The following ZEB1 variants were observed in gnomAD, a reference collection of about 807,000 sequenced individuals.
ZEB1 encodes the protein zinc finger E-box-binding homeobox 1.
ZEB1 carries 21 observed loss-of-function variants against 84.9 expected under a neutral mutation model. That is an observed-to-expected ratio of 0.25 (90% CI 0.18 to 0.36). ZEB1 has a LOEUF of 0.36. Ranked by LOEUF, ZEB1 falls within the 10% of genes least tolerant of loss-of-function variation. ZEB1 has a pLI of 1.00. For synonymous variants in ZEB1, 420 were observed against 471.1 expected, an observed-to-expected ratio of 0.89 and a Z score of 1.41; for missense variants, 1,104 against 1,330.2, an observed-to-expected ratio of 0.83 and a Z score of 2.65.
intron 5 of ZEB1, among the ~76,000 whole-genome samples, chr10:31,513,124 C>T (rs1039943673): frequency 1.3e-5 from 2 of 152,100 alleles, no homozygotes; most frequent in African/African-American, 4.8e-5. Flanking sequence ...ATAAGAGAGA[C>T]AAGAACGGAA....
chr10:31,495,942 T>C (rs929750233), intron 3 of ZEB1, 104 bp downstream of exon 3: 1 of 1,224,384 alleles, frequency 8.2e-7, no homozygotes, highest in Non-Finnish European at 1.2e-6. Context: ...TTCCTTCTCT[T>C]TTATCTTACC....
chr10:31,527,401 A>G lies in ZEB1; in HGVS notation c.*137A>G. ...TGTGTAAAGTAAAAACTAAAAAAAT[A>G]CAAAATACAAAACACACACACACAC... is the stretch of plus-strand genomic sequence containing the variant. On this transcript the variant is annotated 3_prime_UTR_variant, in exon 9 of 9. Transcript: ENST00000424869. The G allele has an allele frequency of 2.0e-6, 2 of 991,770 alleles. No homozygotes were observed. Among genetic ancestry groups the G allele is most frequent in the Non-Finnish European group, 2.9e-6 (2 of 683,524 alleles). 61.4% of individuals were successfully genotyped at this position (991,770 alleles called of 1,614,324 possible).
intron 1 of ZEB1, among the ~76,000 whole-genome samples, chr10:31,337,678 TTTCTG>T: frequency 6.8e-6 from 1 of 146,424 alleles, no homozygotes; most frequent in African/African-American, 2.7e-5. Context: ...TAATAATTTC[TTTCTG>T]TTTTTTTTTT....
Position 31,520,368 on chromosome 10 carries a change from C to A in ZEB1, c.1036C>A (p.Gln346Lys). The change falls in exon 7 of 9, where the codon CAA becomes AAA. Residue 346 changes from glutamine (Q) to lysine (K), a missense_variant. By Grantham distance (53) the Gln-to-Lys change is moderately conservative. Around this residue, in one of 7 missense-constraint regions of ZEB1, gnomAD observed 111 missense variants for 161.8 expected, o/e 0.69. Coordinates refer to ENST00000424869, the MANE Select transcript of ZEB1 (RefSeq NM_001174096.2). The surrounding 1 kb of genome is among the most constrained non-coding windows in gnomAD (Gnocchi z 5.1). ...KPLQEQLSVN[Q>K]IKTEPVDYEF... is the part of the protein sequence containing the mutation. ...CCTTCAAGAACAACTTTCTGTTAACCAAATTAAAACTGAACCTGTGGATTA... is the reference window on the plus strand; with the variant it reads ...CCTTCAAGAACAACTTTCTGTTAACAAAATTAAAACTGAACCTGTGGATTA... 1 of 1,613,886 alleles carries A rather than the reference C, an allele frequency of 6.2e-7. No individual in the cohort carries two copies.
At chr10:31,471,572 T>A (rs1330233141) in intron 2 of ZEB1, among the ~76,000 whole-genome samples, 1 of 141,230 alleles carries the variant, frequency 7.1e-6, no homozygotes, top group Non-Finnish European at 1.5e-5. Flanking sequence ...AAGTCCTGAG[T>A]GACCTACAAA....
intron 1 of ZEB1, chr10:31,358,423 T>C (rs1375930474): frequency 6.6e-6 from 1 of 152,204 alleles, no homozygotes; most frequent in Non-Finnish European, 1.5e-5. Flanking sequence ...AGTTCGGAGT[T>C]GAAGAATTTT....
At chr10:31,443,668 T>A (rs1399905728) in intron 1 of ZEB1, among the ~76,000 whole-genome samples, 1 of 149,230 alleles carries the variant, frequency 6.7e-6, no homozygotes, top group Non-Finnish European at 1.5e-5. Context: ...CGGTGTTTGG[T>A]TTTTTGTTCT....
intron 1 of ZEB1, among the ~76,000 whole-genome samples, chr10:31,429,733 C>CTTTTTTTTTTTTT (rs35031058): frequency 1.3e-5 from 1 of 79,542 alleles, no homozygotes; most frequent in African/African-American, 6.7e-5. Flanking sequence ...ACAGGCAGAA[C>CTTTTTTTTTTTTT]TTTTTTTTTT....
intron 1 of ZEB1, among the ~76,000 whole-genome samples, chr10:31,343,729 C>T (rs2039801115): frequency 6.6e-6 from 1 of 151,948 alleles, no homozygotes; most frequent in Non-Finnish European, 1.5e-5. Context: ...GGTTTGGTGG[C>T]TCTCTATTCT....
At chr10:31,372,509 T>C (rs1194994735) in intron 1 of ZEB1, among the ~76,000 whole-genome samples, 1 of 152,080 alleles carries the variant, frequency 6.6e-6, no homozygotes, top group Non-Finnish European at 1.5e-5. Flanking sequence ...TTTTATATTA[T>C]AATTAGAAGT....
chr10:31,527,019 G>T lies in ZEB1; in HGVS notation c.3133G>T (p.Asp1045Tyr). 2 of 1,595,294 alleles carry T rather than the reference G, an allele frequency of 1.3e-6. No individual in the cohort carries two copies. The highest frequency in any genetic ancestry group is 2.3e-5 in the East Asian group (1 of 44,004). Reference sequence around the variant, plus strand: ...CAGTGAAAAAGAGGAAGAGGAGGAGGATAAAGAGATGGAAGAATTGCAGGA... The same window carrying T: ...CAGTGAAAAAGAGGAAGAGGAGGAGTATAAAGAGATGGAAGAATTGCAGGA... ...EDSEKEEEEE[D>Y]KEMEELQEEK... The change falls in exon 9 of 9, where the codon GAT (aspartate) becomes TAT (tyrosine). Residue 1045 changes from aspartate to tyrosine, a missense_variant. Around this residue, in one of 7 missense-constraint regions of ZEB1, gnomAD observed 173 missense variants for 167.0 expected, o/e 1.04. Transcript: ENST00000424869.
intron 1 of ZEB1, among the ~76,000 whole-genome samples, chr10:31,322,456 T>C (rs1235756738): frequency 6.6e-6 from 1 of 152,248 alleles, no homozygotes; most frequent in African/African-American, 2.4e-5. Context: ...ACGTGGATTT[T>C]GCTGCTAAGC....
In ZEB1 at chr10:31,488,089, ATTGTCCTATGGTT is replaced by A. The variant is rs2065977156; in HGVS notation, c.260-7683_260-7671del. 2.7e-5 allele frequency among the ~76,000 whole-genome samples: 4 copies of A among 150,202 alleles called. No individual in the cohort carries two copies. The Admixed American group carries it at 2.7e-4, about 10-fold the overall frequency. On this transcript the variant is annotated intron_variant, in intron 2 of 8. Transcript: ENST00000424869. ...CTTTTTCTTTTATTTTCTTCGTACTATTGTCCTATGGTTTTGGTATTAGAATAATCCTGGCCTT... is the reference window on the plus strand; with the variant it reads ...CTTTTTCTTTTATTTTCTTCGTACTATTGGTATTAGAATAATCCTGGCCTT...
chr10:31,382,213 C>G (rs2047820670), intron 1 of ZEB1, among the ~76,000 whole-genome samples: 1 of 151,830 alleles, frequency 6.6e-6, no homozygotes, highest in Non-Finnish European at 1.5e-5. Flanking sequence ...AGCCCCTTTA[C>G]TAGTTTCAAA....
chr10:31,334,652 G>C (rs2037615813), intron 1 of ZEB1, among the ~76,000 whole-genome samples: 1 of 152,024 alleles, frequency 6.6e-6, no homozygotes, highest in South Asian at 2.1e-4. Flanking sequence ...TATTTGAGAA[G>C]AGTAACAAAA....
At chr10:31,428,187 G>A (rs918438110) in intron 1 of ZEB1, among the ~76,000 whole-genome samples, 7 of 151,936 alleles carry the variant, frequency 4.6e-5, no homozygotes, top group Non-Finnish European at 2.9e-5. Context: ...CTATCTTTTC[G>A]ATGTGGGCAT....
In ZEB1 at chr10:31,366,808, CAGCGTATACTGCTTGAGCTGG is replaced by C. The variant is rs577627681; in HGVS notation, c.58+47520_58+47540del. 7.0e-3 allele frequency among the ~76,000 whole-genome samples: 1,068 copies of C among 152,214 alleles called. 11 individuals carry two copies. Among genetic ancestry groups the C allele is most frequent in the African/African-American group, 0.024 (978 of 41,544 alleles). ...AACTAAAATCTCTTCTCTGAGTTCC[CAGCGTATACTGCTTGAGCTGG>C]AGCAAGACTCCAGTGATCCTTGGAA... On this transcript the variant is annotated intron_variant, in intron 1 of 8. Transcript: ENST00000424869.
chr10:31,352,970 A>G lies in ZEB1; in HGVS notation c.58+33678A>G, dbSNP rs1271983901. On this transcript the variant is annotated intron_variant, in intron 1 of 8. Coordinates refer to ENST00000424869, the MANE Select transcript of ZEB1 (RefSeq NM_001174096.2). ...GCCATCTATGGAAATGCAAACTACC[A>G]CAAGGAAGTGCAGTTTTTGCTGAGC... is the stretch of plus-strand genomic sequence containing the variant. 2.6e-5 allele frequency among the ~76,000 whole-genome samples: 4 copies of G among 152,348 alleles called. 1 individual carries two copies. Among genetic ancestry groups the G allele is most frequent in the Admixed American group, 2.0e-4 (3 of 15,300 alleles).
At chr10:31,366,682 GT>G (rs1389922045) in intron 1 of ZEB1, among the ~76,000 whole-genome samples, 1 of 152,170 alleles carries the variant, frequency 6.6e-6, no homozygotes, top group Non-Finnish European at 1.5e-5. Flanking sequence ...TGCTCACACT[GT>G]TTTCTTTGAC....
Sources: allele counts gnomAD v4.1 joint callset (sites outside exome capture counted in the v4.1 genomes callset), GRCh38; gene constraint gnomAD v4.1.1; regional missense constraint gnomAD v4.1.1; non-coding constraint Gnocchi (gnomAD v3.1); transcripts MANE v1.5; gene names NCBI Gene and HGNC (gene_info 2026-07-23, HGNC 2026-07-21).